The following C1GALT1 variants were observed in gnomAD, a reference collection of about 807,000 sequenced individuals.
C1GALT1 encodes the protein core 1 synthase, glycoprotein-N-acetylgalactosamine 3-beta-galactosyltransferase 1, also known as glycoprotein-N-acetylgalactosamine 3-beta-galactosyltransferase 1.
A neutral mutation model predicts 31.0 loss-of-function variants in C1GALT1; 11 were observed. That is an observed-to-expected ratio of 0.36 (90% CI 0.22 to 0.59). C1GALT1 has a LOEUF of 0.59. C1GALT1 is among the 20% of genes least tolerant of loss of function. C1GALT1 has a pLI of 0.79. For synonymous variants in C1GALT1, 175 were observed against 143.6 expected, an observed-to-expected ratio of 1.22 and a Z score of -1.56; for missense variants, 424 against 425.2, an observed-to-expected ratio of 1.00 and a Z score of 0.03.
intron 1 of C1GALT1, among the ~76,000 whole-genome samples, chr7:7,198,481 G>A (rs892190389): frequency 6.6e-6 from 1 of 152,170 alleles, no homozygotes; most frequent in Non-Finnish European, 1.5e-5. Flanking sequence ...CAGGGATATT[G>A]GTCTAAAATT....
At chr7:7,222,882 T>C (rs1428398171) in intron 1 of C1GALT1, among the ~76,000 whole-genome samples, 1 of 139,938 alleles carries the variant, frequency 7.1e-6, no homozygotes, top group Non-Finnish European at 1.5e-5. Flanking sequence ...TAATTCAATC[T>C]GTATGACAGG....
chr7:7,182,930 G>A, intron 1 of C1GALT1, 110 bp downstream of exon 1: 1 of 843,170 alleles, frequency 1.2e-6, no homozygotes. Context: ...CCAAACCCCG[G>A]GCGCGGCGGA....
Position 7,236,301 on chromosome 7 carries a change from A to AG in C1GALT1, c.220+1763dup, listed in dbSNP as rs538571318. On this transcript the variant is annotated intron_variant, in intron 2 of 3. Transcript: ENST00000436587. ...TTAGTGAATGAAAAATTATTTATCAAGTTCAGCGGTGGACAAACCTGTCTT... is the reference window on the plus strand; with the variant it reads ...TTAGTGAATGAAAAATTATTTATCAAGGTTCAGCGGTGGACAAACCTGTCTT... 8.5e-4 allele frequency among the ~76,000 whole-genome samples: 129 copies of AG among 152,266 alleles called. 1 individual carries two copies. The South Asian group carries it at 0.018, about 21-fold the overall frequency.
intron 1 of C1GALT1, among the ~76,000 whole-genome samples, chr7:7,200,548 G>A (rs2347891): frequency 2.6e-5 from 4 of 152,092 alleles, no homozygotes; most frequent in African/African-American, 7.2e-5. Flanking sequence ...GGCCTGCCTC[G>A]CTAGATTGGG....
chr7:7,178,300 T>C (rs902056334), upstream of C1GALT1: 2 of 230,610 alleles, frequency 8.7e-6, no homozygotes, highest in African/African-American at 4.6e-5. Flanking sequence ...CATCTGTAGC[T>C]AAACATGCTA....
chr7:7,198,741 C>T (rs1781407360), intron 1 of C1GALT1, among the ~76,000 whole-genome samples: 1 of 152,152 alleles, frequency 6.6e-6, no homozygotes, highest in Admixed American at 6.5e-5. Context: ...AGGGATCCAC[C>T]TTCTTCCTGC....
chr7:7,221,237 C>T (rs1472447625), intron 1 of C1GALT1, among the ~76,000 whole-genome samples: 1 of 151,758 alleles, frequency 6.6e-6, no homozygotes, highest in African/African-American at 2.4e-5. Context: ...TTTAACTTTG[C>T]TTACTTTCAG....
rs1783775571 is a variant in C1GALT1 at position 7,244,740 on chromosome 7, A to G, written c.*1013A>G. 1 of 152,158 alleles carries G rather than the reference A, an allele frequency of 6.6e-6. No individual in the cohort carries two copies. The highest frequency in any genetic ancestry group is 1.5e-5 in the Non-Finnish European group (1 of 68,002). The allele number at this position is 152,158 out of a possible 1,614,324, so 9.4% of individuals were successfully genotyped here. A position where few individuals can be genotyped will look rare whatever the true frequency, so the allele number is the denominator to read the frequency against. ...GCCTTTCATAACTTGTTTAAAGCAG[A>G]GTTTTAAAATTAGTTTATAGGATCT... On this transcript the variant is annotated 3_prime_UTR_variant, in exon 4 of 4. Coordinates refer to ENST00000436587, the MANE Select transcript of C1GALT1 (RefSeq NM_020156.5).
intron 2 of C1GALT1, among the ~76,000 whole-genome samples, chr7:7,164,653 C>T (rs923304485): frequency 2.0e-5 from 3 of 152,146 alleles, no homozygotes; most frequent in African/African-American, 7.2e-5. Context: ...CGACGAGGAA[C>T]TCTGAAGGTG....
chr7:7,173,310 C>T (rs1780473483), intron 2 of C1GALT1, among the ~76,000 whole-genome samples: 1 of 151,998 alleles, frequency 6.6e-6, no homozygotes, highest in Non-Finnish European at 1.5e-5. Flanking sequence ...CCTTCACCTT[C>T]TGCCATGATT....
intron 2 of C1GALT1, among the ~76,000 whole-genome samples, chr7:7,236,114 C>T (rs1477538089): frequency 6.6e-6 from 1 of 152,162 alleles, no homozygotes; most frequent in East Asian, 1.9e-4. Context: ...CACATTGAAT[C>T]CTTTGTTCAT....
At chr7:7,211,362 C>T (rs1012029402) in intron 1 of C1GALT1, among the ~76,000 whole-genome samples, 3 of 152,158 alleles carry the variant, frequency 2.0e-5, no homozygotes, top group African/African-American at 4.8e-5. Flanking sequence ...TCTTTAAGTA[C>T]CTGTAGATTT....
chr7:7,238,192 AATTT>A lies in C1GALT1; in HGVS notation c.221-59_221-56del, dbSNP rs1783453996. 7.2e-7 allele frequency: 1 copy of A among 1,393,170 alleles called. No individual in the cohort carries two copies. 86.3% of individuals were successfully genotyped at this position (1,393,170 alleles called of 1,614,324 possible). A position where few individuals can be genotyped will look rare whatever the true frequency, so the allele number is the denominator to read the frequency against. On this transcript the variant is annotated intron_variant, in intron 2 of 3. Transcript: ENST00000436587. This position sits in a 1 kb window ranked among gnomAD's most constrained non-coding sequence, Gnocchi z 5.2. Reference sequence around the variant, plus strand: ...ATTAGGACAGTGCTTTCTTCAGTATAATTTATTAATATTTGGATTTTACATCTAT... The same window carrying A: ...ATTAGGACAGTGCTTTCTTCAGTATAATTAATATTTGGATTTTACATCTAT...
intron 1 of C1GALT1, among the ~76,000 whole-genome samples, chr7:7,199,776 T>C (rs902575745): frequency 1.9e-4 from 29 of 152,358 alleles, no homozygotes; most frequent in African/African-American, 6.7e-4. Flanking sequence ...GTTGAATTGA[T>C]CCCTGTACCA....
chr7:7,163,729 G>C (rs1780362829), intron 2 of C1GALT1, among the ~76,000 whole-genome samples: 1 of 152,076 alleles, frequency 6.6e-6, no homozygotes, highest in Admixed American at 6.6e-5. Context: ...GCTTCAAAGA[G>C]AATAAAATAC....
chr7:7,159,288 C>T (rs563130942), intron 2 of C1GALT1, among the ~76,000 whole-genome samples: 3 of 152,064 alleles, frequency 2.0e-5, no homozygotes, highest in East Asian at 3.9e-4. Context: ...TAATATTGAC[C>T]ACCTTTTCTC....
intron 1 of C1GALT1, among the ~76,000 whole-genome samples, chr7:7,200,367 C>G (rs1781482482): frequency 2.0e-5 from 3 of 152,086 alleles, no homozygotes; most frequent in Admixed American, 1.3e-4. Context: ...TGTATATTGG[C>G]TTTCACTCTC....
At position 7,243,648 on chromosome 7, in the gene C1GALT1, C is replaced by G; in HGVS notation, c.1013C>G (p.Thr338Ser). 6.2e-7 allele frequency: 1 copy of G among 1,611,366 alleles called. No individual in the cohort carries two copies. Among genetic ancestry groups the G allele is most frequent in the Middle Eastern group, 1.7e-4 (1 of 5,766 alleles). The part of the protein sequence containing the change: ...PYGYLYRYQP[T>S]LPERILKEIS... ...GGTTATTTATACAGATATCAACCTACCTTACCTGAACGTATACTAAAGGAA... is the reference window on the plus strand; with the variant it reads ...GGTTATTTATACAGATATCAACCTAGCTTACCTGAACGTATACTAAAGGAA... Residue 338 changes from threonine (T) to serine (S), a missense_variant, in exon 4 of 4, where the codon ACC becomes AGC. This residue lies in a region of C1GALT1 where 191 missense variants were observed against 188.8 expected (regional missense o/e 1.01). Coordinates refer to ENST00000436587, the MANE Select transcript of C1GALT1 (RefSeq NM_020156.5).
chr7:7,208,160 C>G (rs541910128), intron 1 of C1GALT1, among the ~76,000 whole-genome samples: 1 of 151,992 alleles, frequency 6.6e-6, no homozygotes, highest in African/African-American at 2.4e-5. Context: ...GGTTGACTCT[C>G]GTGGTATTGC....
Sources: gnomAD v4.1 joint callset for allele counts (sites outside exome capture counted in the v4.1 genomes callset) on GRCh38, gnomAD v4.1.1 for gene constraint, gnomAD v4.1.1 regional missense constraint, Gnocchi (gnomAD v3.1) non-coding constraint, MANE v1.5 for transcripts, NCBI Gene and HGNC (gene_info 2026-07-23, HGNC 2026-07-21) for gene names.